XRCC1: variants seen among roughly 807,000 people sequenced by gnomAD.
The protein encoded by XRCC1 is X-ray repair cross complementing 1.
A neutral mutation model predicts 83.3 loss-of-function variants in XRCC1; 52 were observed. The ratio of observed to expected loss-of-function variants is 0.62; its 90% CI spans 0.50 to 0.79. XRCC1 has a LOEUF of 0.79. XRCC1 is among the 30% of genes least tolerant of loss of function. The pLI, the probability that XRCC1 is intolerant of heterozygous loss-of-function variation, is 0.00. For missense variants in XRCC1, 793 were observed against 823.5 expected, an observed-to-expected ratio of 0.96 and a Z score of 0.45; for synonymous variants, 281 against 312.6, an observed-to-expected ratio of 0.90 and a Z score of 1.07.
At chr19:43,567,725 C>A (rs1972767175) in intron 2 of XRCC1, among the ~76,000 whole-genome samples, 1 of 152,142 alleles carries the variant, frequency 6.6e-6, no homozygotes, top group Admixed American at 6.6e-5. Flanking sequence ...AGATGACTAT[C>A]ACCGATGGCC....
chr19:43,558,533 G>T (rs771249455), intron 3 of XRCC1, among the ~76,000 whole-genome samples: 22 of 152,150 alleles, frequency 1.4e-4, no homozygotes, highest in Middle Eastern at 3.4e-3. Flanking sequence ...GGGGGCTGAG[G>T]CGGGAGGATC....
chr19:43,549,104 G>A (rs1456107885), intron 10 of XRCC1, among the ~76,000 whole-genome samples: 1 of 151,932 alleles, frequency 6.6e-6, no homozygotes, highest in Non-Finnish European at 1.5e-5. Flanking sequence ...GAGATTCAGA[G>A]GATTTAAAAT....
rs777030974 is a variant in XRCC1, at chr19:43,575,468, G to A, written c.-10C>T. The A allele has an allele frequency of 1.2e-6, 2 of 1,611,892 alleles. No homozygotes were observed. The highest frequency in any genetic ancestry group is 1.1e-5 in the South Asian group (1 of 90,860). On this transcript the variant is annotated 5_prime_UTR_variant, in exon 1 of 17. The change creates a new upstream start codon in the 5' untranslated region. Coordinates refer to ENST00000262887, the MANE Select transcript of XRCC1 (RefSeq NM_006297.3). The stretch of plus-strand genomic sequence containing the variant: ...GGCGGATCTCCGGCATGTCAACGTC[G>A]TGGGCTTCGCCTGGCCAGAAGGATG...
rs775976174 is a variant in XRCC1 at position 43,574,969 on chromosome 19, T to G, written c.85A>C (p.Thr29Pro). The G allele has an allele frequency of 1.2e-6, 2 of 1,614,136 alleles. No homozygotes were observed. The change falls in exon 2 of 17, where the codon ACT becomes CCT. Residue 29 changes from threonine (T) to proline (P), a missense_variant. Transcript: ENST00000262887. ...HCAENLLKAD[T>P]YRKWRAAKAG... ...TTGGCTGCCCGCCATTTTCGGTAAG[T>G]GTCTGCCTTGAGAAGATTTTCTGCA...
intron 2 of XRCC1, among the ~76,000 whole-genome samples, chr19:43,568,889 T>C (rs1327891267): frequency 6.6e-6 from 1 of 150,710 alleles, no homozygotes; most frequent in African/African-American, 2.4e-5. Context: ...AGAAAGCAAA[T>C]ATAATAAAAC....
chr19:43,562,442 AT>A (rs3213318), intron 2 of XRCC1, among the ~76,000 whole-genome samples: 28,673 of 152,018 alleles, frequency 0.19, 2,791 homozygotes, highest in African/African-American at 0.21. Flanking sequence ...GAAGATGGTC[AT>A]TAACAACCCT....
chr19:43,557,207 G>T (rs990135643), intron 3 of XRCC1, among the ~76,000 whole-genome samples: 9 of 151,304 alleles, frequency 5.9e-5, no homozygotes, highest in South Asian at 2.1e-4. Context: ...TACTCGGGAG[G>T]CTGAGGCAGG....
At chr19:43,544,526 A>G (rs1000670795) in intron 14 of XRCC1, among the ~76,000 whole-genome samples, 13 of 150,690 alleles carry the variant, frequency 8.6e-5, no homozygotes, top group African/African-American at 2.7e-4. Context: ...TTTTTTTTTA[A>G]GACAAGGACT....
chr19:43,573,324 C>G (rs1972822934), intron 2 of XRCC1, among the ~76,000 whole-genome samples: 1 of 152,166 alleles, frequency 6.6e-6, no homozygotes, highest in Non-Finnish European at 1.5e-5. Context: ...TAGCAGTAAC[C>G]TGGCAAATGT....
At chr19:43,546,376 G>A (rs1355142425) in intron 12 of XRCC1, among the ~76,000 whole-genome samples, 11 of 137,104 alleles carry the variant, frequency 8.0e-5, no homozygotes, top group Non-Finnish European at 1.4e-4. Context: ...AGACCCAGAA[G>A]CCCAGGCCCC....
chr19:43,548,783 A>AAAAAAAAAAAAAAAAAAAAAAG, intron 10 of XRCC1, among the ~76,000 whole-genome samples: 1 of 144,610 alleles, frequency 6.9e-6, no homozygotes, highest in Non-Finnish European at 1.5e-5. Flanking sequence ...AAAAAAAAAA[A>AAAAAAAAAAAAAAAAAAAAAAG]AAACACAACA....
intron 3 of XRCC1, chr19:43,555,080 A>G (rs116371014): frequency 1.4e-5 from 4 of 286,888 alleles, no homozygotes; most frequent in African/African-American, 8.7e-5. Context: ...ACAGCGGGCT[A>G]CATGTCCTAA....
chr19:43,554,607 G>A (rs1317626987), intron 4 of XRCC1, 39 bp downstream of exon 4: 1 of 1,574,544 alleles, frequency 6.4e-7, no homozygotes, highest in South Asian at 1.1e-5. Context: ...TCCTTGCCCA[G>A]GACCAAGGAC....
At chr19:43,569,737 G>C (rs983846807) in intron 2 of XRCC1, among the ~76,000 whole-genome samples, 1 of 152,034 alleles carries the variant, frequency 6.6e-6, no homozygotes, top group Admixed American at 6.6e-5. Flanking sequence ...AGCTGAGATT[G>C]TGCCATTGCA....
At chr19:43,545,981 G>C (rs1972504613) in intron 13 of XRCC1, 24 bp from the exon 14 acceptor site, 2 of 1,613,788 alleles carry the variant, frequency 1.2e-6, no homozygotes, top group Non-Finnish European at 1.7e-6. Context: ...GAGGAGTAGA[G>C]AGTGAGCATG....
chr19:43,564,269 C>T (rs1301832708), intron 2 of XRCC1, among the ~76,000 whole-genome samples: 3 of 152,156 alleles, frequency 2.0e-5, no homozygotes, highest in African/African-American at 7.2e-5. Context: ...CGCCCAGCAA[C>T]CGTTTGCAGA....
Position 43,552,827 on chromosome 19 carries a change from G to C in XRCC1, c.793C>G (p.Leu265Val). The C allele has an allele frequency of 6.2e-7, 1 of 1,612,612 alleles. No individual in the cohort carries two copies. The change falls in exon 8 of 17, where the codon CTG becomes GTG. Residue 265 changes from leucine (L) to valine (V), a missense_variant. Coordinates refer to ENST00000262887, the MANE Select transcript of XRCC1 (RefSeq NM_006297.3). ...GGTCTCTTGGGAACAGATGGCGACA[G>C]CTGGGCTGGTGGTTTGCTGGGGGTC... ...KKTPSKPPAQ[L>V]SPSVPKRPKL...
chr19:43,555,783 G>A (rs1326598787), intron 3 of XRCC1, among the ~76,000 whole-genome samples: 3 of 152,162 alleles, frequency 2.0e-5, no homozygotes, highest in Admixed American at 1.3e-4. Flanking sequence ...TAAAATAACT[G>A]GTGTGGTTTT....
intron 14 of XRCC1, 69 bp from the exon 15 acceptor site, chr19:43,544,303 C>G: frequency 2.2e-6 from 3 of 1,372,156 alleles, no homozygotes; most frequent in Non-Finnish European, 3.0e-6. Flanking sequence ...ACAGGAGTGA[C>G]GAGGCTGACC....
Sources: gnomAD v4.1 joint callset for allele counts (sites outside exome capture counted in the v4.1 genomes callset) on GRCh38, gnomAD v4.1.1 for gene constraint, MANE v1.5 for transcripts, NCBI Gene and HGNC (gene_info 2026-07-23, HGNC 2026-07-21) for gene names.